C17orf113: variants seen among roughly 807,000 people sequenced by gnomAD.
C17orf113 encodes the protein uncharacterized protein C17orf113.
In C17orf113, 5 loss-of-function variants were observed where a neutral mutation model predicts 11.6. The ratio of observed to expected loss-of-function variants is 0.43; its 90% CI spans 0.23 to 0.91. The LOEUF (loss-of-function observed/expected upper bound fraction) is 0.91, where lower values mean the gene tolerates loss of function less well. C17orf113 is among the 40% of genes least tolerant of loss of function. C17orf113 has a pLI of 0.26. For missense variants in C17orf113, 714 were observed against 841.3 expected (o/e 0.85, Z 1.87); for synonymous variants, 327 against 390.6 (o/e 0.84, Z 1.92).
At chr17:42,041,854 A>G (rs1405887906) in intron 2 of C17orf113, among the ~76,000 whole-genome samples, 1 of 152,136 alleles carries the variant, frequency 6.6e-6, no homozygotes, top group Non-Finnish European at 1.5e-5. Context: ...GGGCCATGTG[A>G]GTGATATTGA....
chr17:42,049,606 C>T (rs556822693), intron 1 of C17orf113, among the ~76,000 whole-genome samples: 1 of 152,350 alleles, frequency 6.6e-6, no homozygotes, highest in South Asian at 2.1e-4. Context: ...ATTCTATGAC[C>T]TTGCCCAGCC....
chr17:42,040,769 G>A lies in C17orf113; in HGVS notation c.964C>T (p.Arg322Cys), dbSNP rs1397596736. ...TGGGAACTAGGGCCACCATGGAGGC[G>A]GAATAGGGCATCCAATATGCTCTCA... is the stretch of plus-strand genomic sequence containing the variant. Reference protein sequence around the residue: ...QYESILDALFRLHGGPSSHLV... With the variant: ...QYESILDALFCLHGGPSSHLV... Residue 322 changes from arginine to cysteine, a missense_variant, in exon 3 of 3, where the codon CGC (arginine) becomes TGC (cysteine). This residue lies in a region of C17orf113 where 516 missense variants were observed against 626.6 expected (regional missense o/e 0.82). Transcript: ENST00000587304. 5.7e-6 allele frequency: 7 copies of A among 1,232,228 alleles called. No individual in the cohort carries two copies. The highest frequency in any genetic ancestry group is 5.1e-6 in the Non-Finnish European group (5 of 988,100). The allele number at this position is 1,232,228 out of a possible 1,614,324, so 76.3% of individuals were successfully genotyped here.
chr17:42,039,896 G>C lies in C17orf113; in HGVS notation c.1837C>G (p.Leu613Val), dbSNP rs1338996948. 3.2e-6 allele frequency: 4 copies of C among 1,231,440 alleles called. No homozygotes were observed. The East Asian group carries it at 9.5e-5, about 29-fold the overall frequency. 76.3% of individuals were successfully genotyped at this position (1,231,440 alleles called of 1,614,324 possible). A position where few individuals can be genotyped will look rare whatever the true frequency, so the allele number is the denominator to read the frequency against. ...LALALPAGAGLLDKVGRSREL... is the reference protein window; with the variant it reads ...LALALPAGAGVLDKVGRSREL... ...CGGCTGCGGCCGACCTTGTCCAGCAGGCCAGCGCCCGCGGGCAGCGCCAAA... is the reference window on the plus strand; with the variant it reads ...CGGCTGCGGCCGACCTTGTCCAGCACGCCAGCGCCCGCGGGCAGCGCCAAA... The change falls in exon 3 of 3, where the codon CTG becomes GTG. Residue 613 changes from leucine to valine, a missense_variant. By Grantham distance (32) the Leu-to-Val change is conservative. This residue lies in a region of C17orf113 where 194 missense variants were observed against 197.2 expected (regional missense o/e 0.98). Coordinates refer to ENST00000587304, the MANE Select transcript of C17orf113 (RefSeq NM_001358661.2).
chr17:42,040,241 T>C lies in C17orf113; in HGVS notation c.1492A>G (p.Met498Val). Residue 498 changes from methionine to valine, a missense_variant, in exon 3 of 3, where the codon ATG (methionine) becomes GTG (valine). Transcript: ENST00000587304. ...TAGGAGTCCTGTAGGCCCTTCCGCA[T>C]GGAGTCCAGGAAGGATCCCCGGAGC... ...EWLRGSFLDS[M>V]RKGLQDSYPG... The C allele has an allele frequency of 8.9e-6, 11 of 1,231,572 alleles. No homozygotes were observed. The highest frequency in any genetic ancestry group is 1.1e-5 in the Non-Finnish European group (11 of 987,828). The allele number at this position is 1,231,572 out of a possible 1,614,324, so 76.3% of individuals were successfully genotyped here. A position where few individuals can be genotyped will look rare whatever the true frequency, so the allele number is the denominator to read the frequency against.
At position 42,043,302 on chromosome 17, in the gene C17orf113, C is replaced by T; in HGVS notation, c.75G>A (p.Glu25=). The T allele has an allele frequency of 4.1e-6, 5 of 1,232,258 alleles. No individual in the cohort carries two copies. Among genetic ancestry groups the T allele is most frequent in the Non-Finnish European group, 4.0e-6 (4 of 988,012 alleles). The allele number at this position is 1,232,258 out of a possible 1,614,324, so 76.3% of individuals were successfully genotyped here. The change falls in exon 2 of 3, where the codon GAG becomes GAA. Residue 25 remains glutamate, a synonymous_variant. Coordinates refer to ENST00000587304, the MANE Select transcript of C17orf113 (RefSeq NM_001358661.2). ...GCCAGGTAAACTCCTCTTTCCAGTG[C>T]TCGTTGAAGTAACGCTTACACTTCT... ...SNKKCKRYFN[E]HWKEEFTWLD... is the part of the protein sequence containing the mutation.
intron 1 of C17orf113, among the ~76,000 whole-genome samples, chr17:42,049,154 G>A (rs1015399918): frequency 1.5e-4 from 23 of 151,860 alleles, no homozygotes; most frequent in African/African-American, 3.9e-4. Context: ...TCCTTTGCCC[G>A]TGCTGTCCCT....
Position 42,039,928 on chromosome 17 carries a change from G to T in C17orf113, c.1805C>A (p.Ala602Asp). 8.1e-7 allele frequency: 1 copy of T among 1,231,218 alleles called. No individual in the cohort carries two copies. Among genetic ancestry groups the T allele is most frequent in the Non-Finnish European group, 1.0e-6 (1 of 987,588 alleles). 76.3% of individuals were successfully genotyped at this position (1,231,218 alleles called of 1,614,324 possible). A position where few individuals can be genotyped will look rare whatever the true frequency, so the allele number is the denominator to read the frequency against. The change falls in exon 3 of 3, where the codon GCC becomes GAC. Residue 602 changes from alanine (A) to aspartate (D), a missense_variant. Around this residue, in one of 3 missense-constraint regions of C17orf113, gnomAD observed 194 missense variants for 197.2 expected, o/e 0.98. Transcript: ENST00000587304. ...ELFPDFAALA[A>D]LALALPAGAG... ...GCCCGCGGGCAGCGCCAAAGCCAAGGCGGCTAGGGCGGCGAAGTCGGGGAA... is the reference window on the plus strand; with the variant it reads ...GCCCGCGGGCAGCGCCAAAGCCAAGTCGGCTAGGGCGGCGAAGTCGGGGAA...
At position 42,043,054 on chromosome 17, in the gene C17orf113, C is replaced by G; in HGVS notation, c.323G>C (p.Cys108Ser). The change falls in exon 2 of 3, where the codon TGC becomes TCC. Residue 108 changes from cysteine to serine, a missense_variant. Physicochemically the swap from Cys to Ser is moderately radical, Grantham distance 112. Coordinates refer to ENST00000587304, the MANE Select transcript of C17orf113 (RefSeq NM_001358661.2). Reference sequence around the variant, plus strand: ...GGCAGGGGTCGTAGCCAGGCCTGGGCAGGCCCCTCCACCTTCAGCCTGGCC... The same window carrying G: ...GGCAGGGGTCGTAGCCAGGCCTGGGGAGGCCCCTCCACCTTCAGCCTGGCC... ...FEGQAEGGGA[C>S]PGLATTPASR... 1.6e-6 allele frequency: 2 copies of G among 1,232,342 alleles called. No individual in the cohort carries two copies. The highest frequency in any genetic ancestry group is 3.1e-4 in the Middle Eastern group (1 of 3,210). The allele number at this position is 1,232,342 out of a possible 1,614,324, so 76.3% of individuals were successfully genotyped here.
chr17:42,038,326 C>T lies in C17orf113; in HGVS notation c.*1379G>A. On this transcript the variant is annotated 3_prime_UTR_variant, in exon 3 of 3. Transcript: ENST00000587304. ...TCGCCCCTCTCACTCTCTAACTATCCTCCCTCCCTCCAGATCCCCAGGATT... is the reference window on the plus strand; with the variant it reads ...TCGCCCCTCTCACTCTCTAACTATCTTCCCTCCCTCCAGATCCCCAGGATT... The T allele has an allele frequency of 4.6e-6, 2 of 436,062 alleles. No homozygotes were observed. The highest frequency in any genetic ancestry group is 2.0e-5 in the African/African-American group (1 of 48,976). 27.0% of individuals were successfully genotyped at this position (436,062 alleles called of 1,614,324 possible).
chr17:42,046,028 C>T (rs1328584641), intron 1 of C17orf113, among the ~76,000 whole-genome samples: 1 of 152,230 alleles, frequency 6.6e-6, no homozygotes, highest in Non-Finnish European at 1.5e-5. Context: ...CCTCCTCTTT[C>T]CTTACTAATT....
rs147786292 is a variant in C17orf113, at chr17:42,042,921, G to A, written c.456C>T (p.Leu152=). ...DVPNDRCSAL[L]ELQRFNLCQA... Reference sequence around the variant, plus strand: ...GGCACAGGTTGAACCTCTGCAGCTCGAGCAGGGCAGAGCAGCGGTCATTGG... The same window carrying A: ...GGCACAGGTTGAACCTCTGCAGCTCAAGCAGGGCAGAGCAGCGGTCATTGG... The change falls in exon 2 of 3, where the codon CTC becomes CTT. Residue 152 remains leucine (L), a synonymous_variant. Coordinates refer to ENST00000587304, the MANE Select transcript of C17orf113 (RefSeq NM_001358661.2). 211 of 1,232,380 alleles carry A rather than the reference G, an allele frequency of 1.7e-4. No individual in the cohort carries two copies. In the East Asian group the frequency reaches 3.2e-3, roughly 19 times the overall value. The allele number at this position is 1,232,380 out of a possible 1,614,324, so 76.3% of individuals were successfully genotyped here.
At chr17:42,047,616 G>A (rs995502306) in intron 1 of C17orf113, among the ~76,000 whole-genome samples, 1 of 152,066 alleles carries the variant, frequency 6.6e-6, no homozygotes, top group Non-Finnish European at 1.5e-5. Context: ...GCAAGGAAAG[G>A]CTGCCAGATG....
rs1006835583 is a variant in C17orf113 at position 42,040,344 on chromosome 17, G to A, written c.1389C>T (p.Asp463=). Residue 463 remains aspartate (D), a synonymous_variant, in exon 3 of 3, where the codon GAC becomes GAT. Coordinates refer to ENST00000587304, the MANE Select transcript of C17orf113 (RefSeq NM_001358661.2). ...FLQELASMDP[D]ASSGRCTYRG... is the part of the protein sequence containing the mutation. ...GGTAGGTGCAGCGTCCGCTGCTGGC[G>A]TCAGGGTCCATGGATGCCAGTTCCT... The A allele has an allele frequency of 4.1e-6, 5 of 1,231,858 alleles. No individual in the cohort carries two copies. The highest frequency in any genetic ancestry group is 4.2e-5 in the Admixed American group (1 of 23,724). The allele number at this position is 1,231,858 out of a possible 1,614,324, so 76.3% of individuals were successfully genotyped here.
intron 1 of C17orf113, among the ~76,000 whole-genome samples, chr17:42,046,229 T>C (rs895729683): frequency 3.3e-5 from 5 of 152,088 alleles, no homozygotes; most frequent in Admixed American, 6.6e-5. Context: ...TGTTTGTTCA[T>C]TTTCATATCT....
At position 42,039,629 on chromosome 17, in the gene C17orf113, A is replaced by T. The variant is rs1193576739; in HGVS notation, c.*76T>A. ...GCAGTCAGCAGATCATCTTGGGTGC[A>T]GCATGGTCAAGTCTAGGTTGGCCCT... On this transcript the variant is annotated 3_prime_UTR_variant, in exon 3 of 3. Transcript: ENST00000587304. 5.0e-6 allele frequency: 6 copies of T among 1,192,012 alleles called. No homozygotes were observed. In the African/African-American group the frequency reaches 9.4e-5, roughly 19 times the overall value. 73.8% of individuals were successfully genotyped at this position (1,192,012 alleles called of 1,614,324 possible). A position where few individuals can be genotyped will look rare whatever the true frequency, so the allele number is the denominator to read the frequency against.
chr17:42,041,266 G>T (rs949261780), intron 2 of C17orf113, 77 bp from the exon 3 acceptor site: 5 of 1,183,350 alleles, frequency 4.2e-6, no homozygotes, highest in Non-Finnish European at 5.3e-6. Context: ...GCAGTGCGGG[G>T]TGGTGGAAAG....
rs934755854 is a variant in C17orf113 at position 42,038,753 on chromosome 17, A to C, written c.*952T>G. On this transcript the variant is annotated 3_prime_UTR_variant, in exon 3 of 3. Coordinates refer to ENST00000587304, the MANE Select transcript of C17orf113 (RefSeq NM_001358661.2). Reference sequence around the variant, plus strand: ...CACATTTGTAGGTTTTTATGTCTATATACACAGTTATACACAGAAAAGGCC... The same window carrying C: ...CACATTTGTAGGTTTTTATGTCTATCTACACAGTTATACACAGAAAAGGCC... The C allele has an allele frequency of 2.1e-4, 32 of 152,376 alleles. No homozygotes were observed. The highest frequency in any genetic ancestry group is 7.7e-4 in the African/African-American group (32 of 41,586). The allele number at this position is 152,376 out of a possible 1,614,324, so 9.4% of individuals were successfully genotyped here. A position where few individuals can be genotyped will look rare whatever the true frequency, so the allele number is the denominator to read the frequency against.
chr17:42,050,105 A>G lies in C17orf113; in HGVS notation c.-188+452T>C, dbSNP rs1398481812. On this transcript the variant is annotated intron_variant, in intron 1 of 2. Transcript: ENST00000587304. The surrounding 1 kb of genome is among the most constrained non-coding windows in gnomAD (Gnocchi z 5.6). ...TGTGACCAAGGCTGACCAGGAGGGCACACTTGCTGCAGACACAGGTCTCCT... is the reference window on the plus strand; with the variant it reads ...TGTGACCAAGGCTGACCAGGAGGGCGCACTTGCTGCAGACACAGGTCTCCT... Among the ~76,000 whole-genome samples, 1 of 152,204 alleles carries G rather than the reference A, an allele frequency of 6.6e-6. No individual in the cohort carries two copies. Among genetic ancestry groups the G allele is most frequent in the East Asian group, 1.9e-4 (1 of 5,192 alleles).
chr17:42,041,167 T>C lies in C17orf113; in HGVS notation c.566A>G (p.His189Arg), dbSNP rs2053010420. Residue 189 changes from histidine (H) to arginine (R), a missense_variant, in exon 3 of 3, where the codon CAC becomes CGC. His to Arg is a conservative substitution (Grantham distance 29). Around this residue, in one of 3 missense-constraint regions of C17orf113, gnomAD observed 516 missense variants for 626.6 expected, o/e 0.82. Transcript: ENST00000587304. ...CTTCAGGCGCTGGCAGGCCTCTGTGTGCAAGACACTGGCAATGGCCACCTG... is the reference window on the plus strand; with the variant it reads ...CTTCAGGCGCTGGCAGGCCTCTGTGCGCAAGACACTGGCAATGGCCACCTG... Reference protein sequence around the residue: ...DMQVAIASVLHTEACQRLKAS... With the variant: ...DMQVAIASVLRTEACQRLKAS... 18 of 1,232,286 alleles carry C rather than the reference T, an allele frequency of 1.5e-5. No homozygotes were observed. The highest frequency in any genetic ancestry group is 1.8e-5 in the Non-Finnish European group (18 of 988,196). The allele number at this position is 1,232,286 out of a possible 1,614,324, so 76.3% of individuals were successfully genotyped here.
Sources: allele counts gnomAD v4.1 joint callset (sites outside exome capture counted in the v4.1 genomes callset), GRCh38; gene constraint gnomAD v4.1.1; regional missense constraint gnomAD v4.1.1; non-coding constraint Gnocchi (gnomAD v3.1); transcripts MANE v1.5; gene names NCBI Gene and HGNC (gene_info 2026-07-23, HGNC 2026-07-21).